COL5A2: variants seen among roughly 807,000 people sequenced by gnomAD.
COL5A2 encodes the protein collagen type V alpha 2 chain, also known as collagen alpha-2(V) chain.
In COL5A2, 23 loss-of-function variants were observed where a neutral mutation model predicts 208.2. The observed-to-expected ratio is 0.11, with a 90% CI of 0.08 to 0.16. The LOEUF is 0.16. COL5A2 is among the 10% of genes least tolerant of loss of function. The pLI is 1.00. For synonymous variants in COL5A2, 625 were observed against 628.5 expected (o/e 0.99, Z 0.08); for missense variants, 1,590 against 1,956.4 (o/e 0.81, Z 3.53).
At chr2:189,279,050 T>A in the COL5A2 span, among the ~76,000 whole-genome samples, 5 of 151,938 alleles carry the variant, frequency 3.3e-5, no homozygotes, top group African/African-American at 4.8e-5. Flanking sequence ...TTCAAGAAAA[T>A]AACATCAAGA....
At chr2:189,272,068 GT>G in the COL5A2 span, among the ~76,000 whole-genome samples, 2 of 152,176 alleles carry the variant, frequency 1.3e-5, no homozygotes, top group Non-Finnish European at 2.9e-5. Flanking sequence ...TGGTGGGAGT[GT>G]AAATTAGTTC....
At chr2:189,223,110 T>A (rs573714246) in intron 1 of COL5A2, among the ~76,000 whole-genome samples, 1 of 152,306 alleles carries the variant, frequency 6.6e-6, no homozygotes, top group East Asian at 1.9e-4. Flanking sequence ...ATAAATTAGT[T>A]TTATAACAAA....
the COL5A2 span, among the ~76,000 whole-genome samples, chr2:189,255,804 A>G: frequency 6.6e-6 from 1 of 152,206 alleles, no homozygotes; most frequent in Non-Finnish European, 1.5e-5. Flanking sequence ...TTATAAGATT[A>G]AAATGGAAAG....
At chr2:189,270,457 T>G in the COL5A2 span, among the ~76,000 whole-genome samples, 1 of 152,160 alleles carries the variant, frequency 6.6e-6, no homozygotes, top group Non-Finnish European at 1.5e-5. Context: ...AAGAACGTAT[T>G]CGTTTCTGCC....
At chr2:189,089,028 A>G (rs1686726312) in intron 7 of COL5A2, among the ~76,000 whole-genome samples, 1 of 151,848 alleles carries the variant, frequency 6.6e-6, no homozygotes, top group Non-Finnish European at 1.5e-5. Flanking sequence ...CAAATGTCTG[A>G]TACTTGATAA....
the COL5A2 span, among the ~76,000 whole-genome samples, chr2:189,371,793 G>C: frequency 6.6e-6 from 1 of 152,166 alleles, no homozygotes; most frequent in South Asian, 2.1e-4. Context: ...GATTGTAAAA[G>C]TTTGAAATAT....
chr2:189,054,166 C>G lies in COL5A2; in HGVS notation c.2438G>C (p.Gly813Ala), dbSNP rs1685852135. ...LGPPGPAGPT[G>A]EKGEPGPRGL... ...TAACAACTTGTGACTTACCTTTTCT[C>G]CAGTAGGACCTGCCGGACCTGGAGG... The change falls in exon 36 of 54, where the codon GGA (glycine) becomes GCA (alanine). Residue 813 changes from glycine (G) to alanine (A), a missense_variant. Physicochemically the swap from Gly to Ala is moderately conservative, Grantham distance 60 (BLOSUM62 0). Coordinates refer to ENST00000374866, the MANE Select transcript of COL5A2 (RefSeq NM_000393.5). 1.2e-6 allele frequency: 2 copies of G among 1,613,952 alleles called. No individual in the cohort carries two copies.
chr2:189,075,663 T>C (rs1196527341), intron 16 of COL5A2, among the ~76,000 whole-genome samples: 3 of 152,134 alleles, frequency 2.0e-5, no homozygotes, highest in African/African-American at 7.2e-5. Context: ...AAAATCAAGA[T>C]TGAGAAAATG....
intron 6 of COL5A2, chr2:189,096,232 A>C (rs888047440): frequency 3.3e-5 from 5 of 152,140 alleles, no homozygotes; most frequent in African/African-American, 1.2e-4. Context: ...AAAAGGATAA[A>C]AATCTACTGA....
At chr2:189,220,235 A>C (rs575021830) in intron 1 of COL5A2, among the ~76,000 whole-genome samples, 17 of 152,284 alleles carry the variant, frequency 1.1e-4, no homozygotes, top group Non-Finnish European at 2.1e-4. Flanking sequence ...CAGTCATAAC[A>C]CCCATTTTCT....
intron 1 of COL5A2, among the ~76,000 whole-genome samples, chr2:189,166,823 G>C (rs191756061): frequency 6.5e-4 from 99 of 152,324 alleles, no homozygotes; most frequent in Middle Eastern, 3.4e-3. Context: ...TGTATGACAA[G>C]AGCATAATAT....
At chr2:189,365,164 T>C in the COL5A2 span, among the ~76,000 whole-genome samples, 2 of 152,232 alleles carry the variant, frequency 1.3e-5, no homozygotes, top group African/African-American at 4.8e-5. Flanking sequence ...TTCACTTTCA[T>C]CATTAATTCT....
the COL5A2 span, among the ~76,000 whole-genome samples, chr2:189,268,693 A>G: frequency 2.8e-5 from 1 of 35,552 alleles, no homozygotes; most frequent in Non-Finnish European, 9.5e-5. Flanking sequence ...GGTAAAAATC[A>G]CCTCTTTTTA....
At chr2:189,423,104 G>A in the COL5A2 span, among the ~76,000 whole-genome samples, 4 of 151,542 alleles carry the variant, frequency 2.6e-5, no homozygotes, top group Non-Finnish European at 4.4e-5. Flanking sequence ...ACAACAAATG[G>A]GTCAATGACA....
In COL5A2 at chr2:189,084,123, A is replaced by G. The variant is rs893964772; in HGVS notation, c.799-86T>C. 3.1e-5 allele frequency: 29 copies of G among 921,140 alleles called. No homozygotes were observed. The South Asian group carries it at 3.4e-4, about 11-fold the overall frequency. 57.1% of individuals were successfully genotyped at this position (921,140 alleles called of 1,614,324 possible). A position where few individuals can be genotyped will look rare whatever the true frequency, so the allele number is the denominator to read the frequency against. Reference sequence around the variant, plus strand: ...AAACTAAATGATAAATAAATTACTAATAAAACAGTCTTCTTTAGAAAGCTA... The same window carrying G: ...AAACTAAATGATAAATAAATTACTAGTAAAACAGTCTTCTTTAGAAAGCTA... On this transcript the variant is annotated intron_variant, in intron 11 of 53. Transcript: ENST00000374866.
intron 47 of COL5A2, 29 bp from the exon 48 acceptor site, chr2:189,043,287 A>T: frequency 6.7e-7 from 1 of 1,486,992 alleles, no homozygotes; most frequent in South Asian, 1.1e-5. Context: ...CATGAAAATT[A>T]CTTGCTACAT....
the COL5A2 span, among the ~76,000 whole-genome samples, chr2:189,268,199 T>C: frequency 1.3e-5 from 2 of 152,148 alleles, no homozygotes; most frequent in Non-Finnish European, 2.9e-5. Context: ...CTTTGTTTAG[T>C]CAGAATTACA....
At chr2:189,382,091 G>T in the COL5A2 span, among the ~76,000 whole-genome samples, 2 of 152,084 alleles carry the variant, frequency 1.3e-5, no homozygotes, top group African/African-American at 4.8e-5. Flanking sequence ...TTGAATAAAT[G>T]ACTACTCAAC....
intron 1 of COL5A2, among the ~76,000 whole-genome samples, chr2:189,132,523 T>C (rs1687735413): frequency 6.6e-6 from 1 of 152,184 alleles, no homozygotes; most frequent in Non-Finnish European, 1.5e-5. Flanking sequence ...AGAAGAATAG[T>C]ATTGAAAAAC....
Sources: gnomAD v4.1 joint callset for allele counts (sites outside exome capture counted in the v4.1 genomes callset) on GRCh38, gnomAD v4.1.1 for gene constraint, MANE v1.5 for transcripts, NCBI Gene and HGNC (gene_info 2026-07-23, HGNC 2026-07-21) for gene names.